CCDC102B: variants seen among roughly 807,000 people sequenced by gnomAD.
CCDC102B encodes the protein coiled-coil domain-containing protein 102B.
CCDC102B carries 75 observed loss-of-function variants against 57.4 expected under a neutral mutation model. The observed-to-expected ratio is 1.31, with a 90% CI of 1.08 to 1.58. CCDC102B has a LOEUF of 1.58. Among genes scored for constraint, CCDC102B ranks in the 40% most tolerant of loss-of-function variants. The pLI is 0.00. For synonymous variants in CCDC102B, 206 were observed against 201.9 expected, an observed-to-expected ratio of 1.02 and a Z score of -0.17; for missense variants, 636 against 582.6, an observed-to-expected ratio of 1.09 and a Z score of -0.94.
chr18:68,873,973 T>A (rs2039334417), intron 4 of CCDC102B, among the ~76,000 whole-genome samples: 1 of 151,996 alleles, frequency 6.6e-6, no homozygotes, highest in Admixed American at 6.6e-5. Context: ...ACTACACATT[T>A]TATGTATTTA....
intron 2 of CCDC102B, among the ~76,000 whole-genome samples, chr18:68,782,722 A>C (rs549478458): frequency 6.6e-6 from 1 of 152,284 alleles, no homozygotes; most frequent in South Asian, 2.1e-4. Context: ...ATCTTGAGGG[A>C]AATTTGTTTG....
At chr18:68,866,849 C>T in intron 4 of CCDC102B, 1 of 690,618 alleles carries the variant, frequency 1.4e-6, no homozygotes, top group Non-Finnish European at 2.8e-6. Flanking sequence ...CTGGGGCCAG[C>T]ACTGATCCAC....
chr18:68,741,073 A>G (rs1197316508), intron 2 of CCDC102B, among the ~76,000 whole-genome samples: 1 of 152,190 alleles, frequency 6.6e-6, no homozygotes, highest in Non-Finnish European at 1.5e-5. Flanking sequence ...GCTCTTGTGG[A>G]TGGTGGCAGC....
At chr18:68,844,139 A>G (rs2037753259) in intron 3 of CCDC102B, among the ~76,000 whole-genome samples, 1 of 151,942 alleles carries the variant, frequency 6.6e-6, no homozygotes, top group Non-Finnish European at 1.5e-5. Flanking sequence ...TTAAGGAGGT[A>G]ACTATTACTT....
rs1317947612 is a variant in CCDC102B at position 68,733,504 on chromosome 18, ATATTTT to A, written c.-67+16912_-67+16917del. On this transcript the variant is annotated intron_variant, in intron 2 of 3. Coordinates refer to the CCDC102B transcript ENST00000578970. ...TATATATATATATATATATATATAT[ATATTTT>A]TTTAACTTAAGCATGCTTTAAGAAG... Among the ~76,000 whole-genome samples, 87 of 82,928 alleles carry A rather than the reference ATATTTT, an allele frequency of 1.0e-3. 4 individuals are homozygous for A. The highest frequency in any genetic ancestry group is 6.6e-3 in the Middle Eastern group (1 of 152). The allele number at this position is 82,928 out of a possible 152,430, so 54.4% of individuals were successfully genotyped here. A position where few individuals can be genotyped will look rare whatever the true frequency, so the allele number is the denominator to read the frequency against.
chr18:68,741,402 A>T (rs563044738), intron 2 of CCDC102B, among the ~76,000 whole-genome samples: 1 of 152,246 alleles, frequency 6.6e-6, no homozygotes, highest in African/African-American at 2.4e-5. Flanking sequence ...TCACAAGAAA[A>T]GTTGATGCCT....
At chr18:69,003,085 A>C (rs1342185714) in intron 6 of CCDC102B, among the ~76,000 whole-genome samples, 3 of 152,166 alleles carry the variant, frequency 2.0e-5, no homozygotes, top group African/African-American at 7.2e-5. Context: ...ACTCCCCCAG[A>C]CATCTGTCTC....
rs981545852 is a variant in CCDC102B, at chr18:68,790,373, G to C, written c.-66-32993G>C. Reference sequence around the variant, plus strand: ...TGGGCTCCACCCAGTTCGAGCTTCTGGGCTGCTTTGTTTACCTAAGCAAGC... The same window carrying C: ...TGGGCTCCACCCAGTTCGAGCTTCTCGGCTGCTTTGTTTACCTAAGCAAGC... On this transcript the variant is annotated intron_variant, in intron 2 of 3. Coordinates refer to the CCDC102B transcript ENST00000578970. 3.7e-3 allele frequency among the ~76,000 whole-genome samples: 566 copies of C among 151,280 alleles called. 2 individuals are homozygous for C. The highest frequency in any genetic ancestry group is 0.011 in the African/African-American group (463 of 40,930).
At chr18:68,903,533 A>G in intron 6 of CCDC102B, among the ~76,000 whole-genome samples, 1 of 152,216 alleles carries the variant, frequency 6.6e-6, no homozygotes, top group Non-Finnish European at 1.5e-5. Flanking sequence ...AAATAGTATG[A>G]TCTATAGTAT....
chr18:68,865,632 G>T (rs1355012584), intron 4 of CCDC102B, among the ~76,000 whole-genome samples: 1 of 152,032 alleles, frequency 6.6e-6, no homozygotes, highest in Non-Finnish European at 1.5e-5. Flanking sequence ...TCAAATGAAG[G>T]GCATACTCGT....
At chr18:68,863,393 A>G (rs989313724) in intron 4 of CCDC102B, among the ~76,000 whole-genome samples, 1 of 151,910 alleles carries the variant, frequency 6.6e-6, no homozygotes, top group Non-Finnish European at 1.5e-5. Flanking sequence ...TTTCATAGAA[A>G]TGTGTCAGTG....
chr18:68,741,311 T>G (rs75727861), intron 2 of CCDC102B, among the ~76,000 whole-genome samples: 3,843 of 152,248 alleles, frequency 0.025, 70 homozygotes, highest in Middle Eastern at 0.075. Context: ...CAAGCCAGTG[T>G]TAGCTAACAT....
chr18:68,841,323 A>G (rs188554249), intron 3 of CCDC102B, among the ~76,000 whole-genome samples: 1 of 152,238 alleles, frequency 6.6e-6, no homozygotes. Context: ...ATTGTCCTTG[A>G]CTAGAACCTC....
chr18:68,728,383 C>T (rs1170900095), intron 2 of CCDC102B, among the ~76,000 whole-genome samples: 4 of 152,252 alleles, frequency 2.6e-5, no homozygotes, highest in Middle Eastern at 3.4e-3. Context: ...CTTTGCATTT[C>T]GATATCTGAA....
intron 4 of CCDC102B, among the ~76,000 whole-genome samples, chr18:68,851,602 G>T (rs1462113470): frequency 6.6e-6 from 1 of 152,106 alleles, no homozygotes; most frequent in Non-Finnish European, 1.5e-5. Context: ...CTTACTTTAA[G>T]ACTATTATAA....
At chr18:68,978,170 G>C (rs1236734889) in intron 6 of CCDC102B, among the ~76,000 whole-genome samples, 1 of 152,074 alleles carries the variant, frequency 6.6e-6, no homozygotes, top group African/African-American at 2.4e-5. Context: ...CTGGGCACCA[G>C]ATTGCCTATG....
At chr18:68,726,674 A>G (rs1012567684) in intron 2 of CCDC102B, among the ~76,000 whole-genome samples, 2 of 152,222 alleles carry the variant, frequency 1.3e-5, no homozygotes, top group African/African-American at 2.4e-5. Context: ...AATGGTTTTC[A>G]ACATACATTT....
chr18:68,958,451 T>A (rs1372796484), intron 6 of CCDC102B, among the ~76,000 whole-genome samples: 7 of 152,200 alleles, frequency 4.6e-5, no homozygotes, highest in Non-Finnish European at 8.8e-5. Flanking sequence ...TAAATCCCAC[T>A]TGGTCATAAT....
chr18:68,974,899 A>G (rs2050392461), intron 6 of CCDC102B, among the ~76,000 whole-genome samples: 1 of 151,982 alleles, frequency 6.6e-6, no homozygotes, highest in Non-Finnish European at 1.5e-5. Context: ...TATAAATAAA[A>G]TTTATAATAA....
Sources: allele counts gnomAD v4.1 joint callset (sites outside exome capture counted in the v4.1 genomes callset), GRCh38; gene constraint gnomAD v4.1.1; transcripts MANE v1.5; gene names NCBI Gene and HGNC (gene_info 2026-07-23, HGNC 2026-07-21).